Variants in CUX1 observed in about 807,000 individuals in gnomAD.
CUX1 encodes protein CASP.
Under a neutral mutation model 158.8 loss-of-function variants are expected in CUX1, and 31 were observed. That is an observed-to-expected ratio of 0.20 (90% CI 0.15 to 0.26). CUX1 has a LOEUF of 0.26. Ranked by LOEUF, CUX1 falls within the 10% of genes least tolerant of loss-of-function variation. The probability of loss-of-function intolerance (pLI) is 1.00; values close to 1 mark genes in which losing one functional copy is unlikely to be tolerated. For synonymous variants in CUX1, 879 were observed against 862.1 expected, an observed-to-expected ratio of 1.02 and a Z score of -0.34; for missense variants, 1,589 against 2,014.6, an observed-to-expected ratio of 0.79 and a Z score of 4.04.
chr7:102,120,823 G>A (rs1554493193), intron 8 of CUX1, among the ~76,000 whole-genome samples: 1 of 152,134 alleles, frequency 6.6e-6, no homozygotes, highest in Non-Finnish European at 1.5e-5. Context: ...CAGCACTCTG[G>A]GAGACTGAGG....
chr7:102,184,177 C>T (rs1293255131), intron 11 of CUX1, among the ~76,000 whole-genome samples: 3 of 152,112 alleles, frequency 2.0e-5, no homozygotes, highest in Non-Finnish European at 2.9e-5. Flanking sequence ...GGGTTACAGG[C>T]GTGAAACACC....
chr7:102,250,653 C>T lies in CUX1; in HGVS notation c.*1611C>T. 3.0e-6 allele frequency: 3 copies of T among 985,432 alleles called. No individual in the cohort carries two copies. The highest frequency in any genetic ancestry group is 1.0e-3 in the Middle Eastern group (2 of 1,914). The allele number at this position is 985,432 out of a possible 1,614,324, so 61.0% of individuals were successfully genotyped here. ...CCAAACCTACCATTTGCCCTTCTTT[C>T]ATTTCGCCTCTTAGTTCTTTTTATG... On this transcript the variant is annotated 3_prime_UTR_variant, in exon 24 of 24. Coordinates refer to ENST00000292535, the MANE Select transcript of CUX1 (RefSeq NM_181552.4).
At chr7:102,239,623 G>A in intron 23 of CUX1, 39 bp downstream of exon 23, 2 of 1,592,144 alleles carry the variant, frequency 1.3e-6, no homozygotes, top group Middle Eastern at 1.7e-4. Context: ...GGTCGGCCCA[G>A]GGGAAGGGGC....
chr7:101,857,162 C>T (rs145143588), intron 1 of CUX1, among the ~76,000 whole-genome samples: 24 of 152,346 alleles, frequency 1.6e-4, no homozygotes, highest in African/African-American at 5.8e-4. Context: ...GTTAGCGTCA[C>T]GTGGGTCCTG....
At chr7:102,222,942 C>T (rs1797973986) in intron 20 of CUX1, among the ~76,000 whole-genome samples, 1 of 149,460 alleles carries the variant, frequency 6.7e-6, no homozygotes, top group Non-Finnish European at 1.5e-5. Context: ...GTCTCAGCTT[C>T]CCGAGTAGCT....
At chr7:101,966,956 A>G (rs1811298707) in intron 2 of CUX1, among the ~76,000 whole-genome samples, 1 of 152,110 alleles carries the variant, frequency 6.6e-6, no homozygotes, top group Non-Finnish European at 1.5e-5. Context: ...GATCCATCCC[A>G]GCCCCATAAC....
At chr7:101,858,918 G>C (rs570244676) in intron 1 of CUX1, among the ~76,000 whole-genome samples, 2 of 152,006 alleles carry the variant, frequency 1.3e-5, no homozygotes, top group East Asian at 1.9e-4. Context: ...CGCTTCCCTC[G>C]GTCTCCCAGG....
chr7:102,253,122 T>A lies in CUX1; in HGVS notation c.*4080T>A, dbSNP rs1801695561. 1.0e-6 allele frequency: 1 copy of A among 985,428 alleles called. No individual in the cohort carries two copies. Among genetic ancestry groups the A allele is most frequent in the African/African-American group, 1.7e-5 (1 of 57,260 alleles). 61.0% of individuals were successfully genotyped at this position (985,428 alleles called of 1,614,324 possible). A position where few individuals can be genotyped will look rare whatever the true frequency, so the allele number is the denominator to read the frequency against. Reference sequence around the variant, plus strand: ...ACCTCCCTGCTCAGTTTCCTTCCTGTCGCCATCTTTGTTTTCTTCCCATTG... The same window carrying A: ...ACCTCCCTGCTCAGTTTCCTTCCTGACGCCATCTTTGTTTTCTTCCCATTG... On this transcript the variant is annotated 3_prime_UTR_variant, in exon 24 of 24. Transcript: ENST00000292535.
intron 9 of CUX1, among the ~76,000 whole-genome samples, chr7:102,168,559 G>A (rs1355813800): frequency 6.8e-6 from 1 of 146,860 alleles, no homozygotes; most frequent in Non-Finnish European, 1.5e-5. Context: ...CAGGAGAATC[G>A]CTTGAACCCA....
chr7:101,842,098 A>T (rs1042627823), intron 1 of CUX1, among the ~76,000 whole-genome samples: 20 of 151,866 alleles, frequency 1.3e-4, no homozygotes, highest in African/African-American at 4.6e-4. Context: ...CTTTTCTTTA[A>T]TGGCTTTTAA....
intron 1 of CUX1, among the ~76,000 whole-genome samples, chr7:101,874,702 C>T (rs1036906896): frequency 1.3e-5 from 2 of 152,194 alleles, no homozygotes; most frequent in Non-Finnish European, 2.9e-5. Context: ...TCCAGCCTGG[C>T]ATCGTGAACT....
chr7:102,125,414 G>A (rs1268438049), intron 8 of CUX1: 3 of 152,324 alleles, frequency 2.0e-5, no homozygotes, highest in Non-Finnish European at 2.9e-5. Flanking sequence ...TCTGCCCCCA[G>A]TAAAATTCCT....
Position 102,244,542 on chromosome 7 carries a change from A to G in CUX1, c.3888-3870A>G, listed in dbSNP as rs61539770. ...GTGAGACCACGTCTACAAAAAATAGAAAAACAGGCGGGCGTGGTGGTGCAT... is the reference window on the plus strand; with the variant it reads ...GTGAGACCACGTCTACAAAAAATAGGAAAACAGGCGGGCGTGGTGGTGCAT... On this transcript the variant is annotated intron_variant, in intron 23 of 23. Coordinates refer to ENST00000292535, the MANE Select transcript of CUX1 (RefSeq NM_181552.4). Among the ~76,000 whole-genome samples the G allele has an allele frequency of 5.7e-3, 875 of 152,224 alleles. 6 individuals are homozygous for G. Among genetic ancestry groups the G allele is most frequent in the African/African-American group, 0.02 (838 of 41,538 alleles).
At chr7:101,940,078 TA>T (rs1180448927) in intron 2 of CUX1, among the ~76,000 whole-genome samples, 3,382 of 115,002 alleles carry the variant, frequency 0.029, 75 homozygotes, top group African/African-American at 0.079. Context: ...AGACTCCATC[TA>T]AAAAAAAAAA....
intron 20 of CUX1, among the ~76,000 whole-genome samples, chr7:102,213,623 A>G (rs1294582554): frequency 1.3e-5 from 2 of 152,238 alleles, no homozygotes; most frequent in Non-Finnish European, 2.9e-5. Flanking sequence ...CAGAATTTAC[A>G]GCACATTGGG....
intron 10 of CUX1, among the ~76,000 whole-genome samples, chr7:102,171,655 C>G (rs1791731081): frequency 6.6e-6 from 1 of 152,000 alleles, no homozygotes; most frequent in African/African-American, 2.4e-5. Flanking sequence ...GTCGCGTTGC[C>G]CAGGCTGGTC....
chr7:101,840,980 G>C (rs1795141135), intron 1 of CUX1, among the ~76,000 whole-genome samples: 1 of 151,970 alleles, frequency 6.6e-6, no homozygotes, highest in Non-Finnish European at 1.5e-5. Flanking sequence ...TGCAACCTCT[G>C]CCTCCCGGGT....
chr7:101,818,165 T>G (rs1792087761), intron 1 of CUX1, among the ~76,000 whole-genome samples: 1 of 152,240 alleles, frequency 6.6e-6, no homozygotes, highest in African/African-American at 2.4e-5. Flanking sequence ...ATTTATTGAC[T>G]AAAATAGATT....
In CUX1 at chr7:102,115,123, C is replaced by T. The variant is rs1031322882; in HGVS notation, c.608-84C>T. On this transcript the variant is annotated intron_variant, in intron 7 of 23. Coordinates refer to ENST00000292535, the MANE Select transcript of CUX1 (RefSeq NM_181552.4). ...ACCTCGCTCCTCACAGAAATCTTTG[C>T]CTCTTTTGAAATGGGAATAGATTAC... 1.5e-5 allele frequency: 18 copies of T among 1,192,810 alleles called. No homozygotes were observed. In the East Asian group the frequency reaches 2.0e-4, roughly 13 times the overall value. The allele number at this position is 1,192,810 out of a possible 1,614,324, so 73.9% of individuals were successfully genotyped here. A position where few individuals can be genotyped will look rare whatever the true frequency, so the allele number is the denominator to read the frequency against.
Sources: allele counts gnomAD v4.1 joint callset (sites outside exome capture counted in the v4.1 genomes callset), GRCh38; gene constraint gnomAD v4.1.1; transcripts MANE v1.5; gene names NCBI Gene and HGNC (gene_info 2026-07-23, HGNC 2026-07-21).